The following HIBADH variants were observed in gnomAD, a reference collection of about 807,000 sequenced individuals.
The protein encoded by HIBADH is 3-hydroxyisobutyrate dehydrogenase.
A neutral mutation model predicts 36.1 loss-of-function variants in HIBADH; 25 were observed. The observed-to-expected ratio is 0.69, with a 90% CI of 0.50 to 0.97. The LOEUF is 0.97. Among genes scored for constraint, HIBADH ranks in the 50% least tolerant of loss-of-function variants. HIBADH has a pLI of 0.00. For missense variants in HIBADH, 421 were observed against 418.0 expected (o/e 1.01, Z -0.06); for synonymous variants, 160 against 149.5 (o/e 1.07, Z -0.51).
intron 1 of HIBADH, 42 bp from the exon 2 acceptor site, chr7:27,649,675 T>C (rs776727100): frequency 3.4e-6 from 5 of 1,484,784 alleles, no homozygotes; most frequent in Non-Finnish European, 4.5e-6. Flanking sequence ...AAATAACATT[T>C]TTTATTGTAA....
chr7:27,661,636 C>T (rs1208729815), intron 1 of HIBADH, among the ~76,000 whole-genome samples: 2 of 148,946 alleles, frequency 1.3e-5, no homozygotes, highest in South Asian at 4.2e-4. Context: ...GGCTCAAATC[C>T]TAACCCACTA....
chr7:27,582,843 C>G (rs562263763), intron 4 of HIBADH, among the ~76,000 whole-genome samples: 34 of 152,220 alleles, frequency 2.2e-4, no homozygotes, highest in African/African-American at 7.9e-4. Flanking sequence ...TGAATTAGCT[C>G]TACCTCTACA....
intron 2 of HIBADH, among the ~76,000 whole-genome samples, chr7:27,642,657 T>G (rs531060443): frequency 2.8e-5 from 4 of 143,246 alleles, no homozygotes; most frequent in Admixed American, 7.0e-5. Context: ...TTTTTTTTTT[T>G]TTTTTTTTTT....
At chr7:27,650,744 C>T (rs6966587) in intron 1 of HIBADH, among the ~76,000 whole-genome samples, 111,741 of 146,998 alleles carry the variant, frequency 0.76, 42,792 homozygotes, top group East Asian at 0.94. Context: ...TTAAAAACTA[C>T]ACAGGTTTTA....
chr7:27,598,479 A>G (rs1314903764), intron 4 of HIBADH, among the ~76,000 whole-genome samples: 1 of 152,162 alleles, frequency 6.6e-6, no homozygotes, highest in African/African-American at 2.4e-5. Flanking sequence ...CACAAGCATC[A>G]ATTAGAAGTA....
chr7:27,645,368 A>ATGGTTTTTTTTTT (rs1554300959), intron 2 of HIBADH, among the ~76,000 whole-genome samples: 3 of 59,650 alleles, frequency 5.0e-5, no homozygotes, highest in African/African-American at 1.3e-4. Context: ...CATGGTTTTG[A>ATGGTTTTTTTTTT]TTTTTTTTTT....
chr7:27,624,944 T>G (rs1022218170), intron 4 of HIBADH, among the ~76,000 whole-genome samples: 12 of 152,232 alleles, frequency 7.9e-5, no homozygotes. Context: ...AAAAGACACC[T>G]TTCCATGGTG....
At chr7:27,553,727 C>G (rs146465106) in intron 4 of HIBADH, among the ~76,000 whole-genome samples, 1 of 152,214 alleles carries the variant, frequency 6.6e-6, no homozygotes, top group Non-Finnish European at 1.5e-5. Context: ...CAATAAAACA[C>G]TAAACTCCTG....
chr7:27,618,349 T>C (rs758514635), intron 4 of HIBADH, among the ~76,000 whole-genome samples: 28 of 152,138 alleles, frequency 1.8e-4, no homozygotes, highest in Non-Finnish European at 2.6e-4. Context: ...ATTGCTGCTA[T>C]AGACGGCAGA....
intron 4 of HIBADH, among the ~76,000 whole-genome samples, chr7:27,592,868 G>A (rs1463452684): frequency 1.3e-5 from 2 of 151,964 alleles, no homozygotes; most frequent in Non-Finnish European, 1.5e-5. Context: ...TGGTGAAAAA[G>A]GTCTTGATAG....
chr7:27,530,797 G>A (rs1783985308), intron 7 of HIBADH, among the ~76,000 whole-genome samples: 1 of 152,074 alleles, frequency 6.6e-6, no homozygotes, highest in African/African-American at 2.4e-5. Flanking sequence ...TCCTCTCTTC[G>A]TGATGCATAT....
At chr7:27,634,994 A>G (rs1022987435) in intron 2 of HIBADH, among the ~76,000 whole-genome samples, 16 of 152,172 alleles carry the variant, frequency 1.1e-4, no homozygotes, top group Admixed American at 3.3e-4. Flanking sequence ...AATACACAAC[A>G]GTAGTGATAG....
chr7:27,556,126 A>G (rs535059050), intron 4 of HIBADH, among the ~76,000 whole-genome samples: 34 of 122,922 alleles, frequency 2.8e-4, no homozygotes, highest in African/African-American at 1.0e-3. Flanking sequence ...TCTAAGACTC[A>G]GTTTTCTCAC....
intron 4 of HIBADH, among the ~76,000 whole-genome samples, chr7:27,588,642 AT>A (rs1784898243): frequency 6.6e-6 from 1 of 152,220 alleles, no homozygotes; most frequent in Non-Finnish European, 1.5e-5. Context: ...AGTATAGAGT[AT>A]TTTAAAATAT....
chr7:27,531,753 T>C (rs894169389), intron 6 of HIBADH, among the ~76,000 whole-genome samples: 2 of 152,144 alleles, frequency 1.3e-5, no homozygotes, highest in African/African-American at 2.4e-5. Flanking sequence ...ACAAATGATA[T>C]ATTTCAGAAA....
intron 4 of HIBADH, among the ~76,000 whole-genome samples, chr7:27,586,327 A>C (rs1023029495): frequency 7.1e-6 from 1 of 140,910 alleles, no homozygotes; most frequent in East Asian, 2.4e-4. Flanking sequence ...GTGTAGAGCA[A>C]TGTGGAAAAA....
At chr7:27,528,538 A>G (rs1783946792) in intron 7 of HIBADH, among the ~76,000 whole-genome samples, 1 of 152,244 alleles carries the variant, frequency 6.6e-6, no homozygotes, top group Non-Finnish European at 1.5e-5. Context: ...AACCAGCCAA[A>G]ACATTCCCTT....
At chr7:27,654,860 A>AT (rs1786268842) in intron 1 of HIBADH, among the ~76,000 whole-genome samples, 1 of 151,876 alleles carries the variant, frequency 6.6e-6, no homozygotes, top group East Asian at 1.9e-4. Context: ...TAATTTTTGC[A>AT]TTTTTTTGTA....
chr7:27,640,408 T>TGG (rs1785939022), intron 2 of HIBADH, among the ~76,000 whole-genome samples: 1 of 152,126 alleles, frequency 6.6e-6, no homozygotes, highest in African/African-American at 2.4e-5. Context: ...TGCACACCTG[T>TGG]GGTCCCAACT....
Sources: allele counts gnomAD v4.1 joint callset (sites outside exome capture counted in the v4.1 genomes callset), GRCh38; gene constraint gnomAD v4.1.1; transcripts MANE v1.5; gene names NCBI Gene and HGNC (gene_info 2026-07-23, HGNC 2026-07-21).